The following MBTPS1 variants were observed in gnomAD, a reference collection of about 807,000 sequenced individuals.
The protein encoded by MBTPS1 is membrane bound transcription factor peptidase, site 1.
Under a neutral mutation model 127.8 loss-of-function variants are expected in MBTPS1, and 94 were observed. The observed-to-expected ratio is 0.74, with a 90% CI of 0.62 to 0.87. The LOEUF is 0.87. Among genes scored for constraint, MBTPS1 ranks in the 40% least tolerant of loss-of-function variants. The pLI, the probability that MBTPS1 is intolerant of heterozygous loss-of-function variation, is 0.00. For synonymous variants in MBTPS1, 632 were observed against 509.4 expected (o/e 1.24, Z -3.24); for missense variants, 1,636 against 1,353.2 (o/e 1.21, Z -3.28).
At chr16:84,113,320 TTCC>T (rs2086424671) in intron 1 of MBTPS1, among the ~76,000 whole-genome samples, 1 of 152,218 alleles carries the variant, frequency 6.6e-6, no homozygotes, top group South Asian at 2.1e-4. Flanking sequence ...CTGGTTATCT[TTCC>T]ATATAAAGGC....
Position 84,081,867 on chromosome 16 carries a change from T to C in MBTPS1, c.1328A>G (p.Lys443Arg). The change falls in exon 11 of 23, where the codon AAG becomes AGG. Residue 443 changes from lysine to arginine, a missense_variant. By Grantham distance (26) the Lys-to-Arg change is conservative. Coordinates refer to ENST00000343411, the MANE Select transcript of MBTPS1 (RefSeq NM_003791.4). The part of the protein sequence containing the change: ...KRELVNPASM[K>R]QALIASARRL... ...CCGGGCTGACGCGATCAGGGCCTGC[T>C]TCATACTGGCGGGATTCACCAGCTC... 2 of 1,503,482 alleles carry C rather than the reference T, an allele frequency of 1.3e-6. No individual in the cohort carries two copies. The highest frequency in any genetic ancestry group is 8.9e-7 in the Non-Finnish European group (1 of 1,125,252). The allele number at this position is 1,503,482 out of a possible 1,614,324, so 93.1% of individuals were successfully genotyped here.
chr16:84,075,789 A>G (rs533853725), intron 11 of MBTPS1: 2 of 152,244 alleles, frequency 1.3e-5, no homozygotes, highest in Non-Finnish European at 2.9e-5. Flanking sequence ...TATAATCAAC[A>G]CATATCACAG....
chr16:84,115,489 T>C (rs1279146871), intron 1 of MBTPS1, among the ~76,000 whole-genome samples: 5 of 152,186 alleles, frequency 3.3e-5, no homozygotes, highest in Non-Finnish European at 7.3e-5. Flanking sequence ...GTCAAAAGTG[T>C]TCTGCATAAA....
chr16:84,092,352 CT>C (rs2086121724), intron 6 of MBTPS1, among the ~76,000 whole-genome samples: 1 of 152,200 alleles, frequency 6.6e-6, no homozygotes, highest in South Asian at 2.1e-4. Context: ...AGCTTCATTA[CT>C]TTGTGGATCA....
At chr16:84,068,997 C>T (rs2085730901) in intron 14 of MBTPS1, among the ~76,000 whole-genome samples, 1 of 152,234 alleles carries the variant, frequency 6.6e-6, no homozygotes, top group African/African-American at 2.4e-5. Flanking sequence ...GCAGCACAGA[C>T]TCCAGGTCCT....
chr16:84,056,683 G>C (rs1008300237), intron 21 of MBTPS1: 5 of 152,630 alleles, frequency 3.3e-5, no homozygotes, highest in African/African-American at 7.2e-5. Flanking sequence ...AACAGTGGGA[G>C]AGAGTCTGAG....
At chr16:84,065,654 A>G (rs745888074) in intron 18 of MBTPS1, 36 bp downstream of exon 18, 2 of 1,389,700 alleles carry the variant, frequency 1.4e-6, no homozygotes, top group Non-Finnish European at 2.1e-6. Flanking sequence ...AGCGAGAGAA[A>G]GAAGAAGCAA....
rs748226747 is a variant in MBTPS1 at position 84,095,720 on chromosome 16, C to G, written c.507G>C (p.Leu169=). The part of the protein sequence containing the change: ...SRPLRRASLS[L]GSGFWHATGR... The stretch of plus-strand genomic sequence containing the variant: ...CCGTAGCATGCCAGAAGCCAGAGCC[C>G]AGGGAGAGGCTGGCTCTTCGCAGGG... Residue 169 remains leucine (L), a synonymous_variant, in exon 4 of 23, where the codon CTG becomes CTC. Coordinates refer to ENST00000343411, the MANE Select transcript of MBTPS1 (RefSeq NM_003791.4). 1 of 1,614,242 alleles carries G rather than the reference C, an allele frequency of 6.2e-7. No homozygotes were observed. Among genetic ancestry groups the G allele is most frequent in the South Asian group, 1.1e-5 (1 of 91,088 alleles).
chr16:84,099,675 G>A (rs955508969), intron 2 of MBTPS1, among the ~76,000 whole-genome samples: 3 of 151,584 alleles, frequency 2.0e-5, no homozygotes, highest in South Asian at 2.1e-4. Context: ...ATCCTGGGAG[G>A]CTAAGGCAGG....
chr16:84,096,211 A>C (rs147066677), intron 3 of MBTPS1, among the ~76,000 whole-genome samples: 7 of 152,172 alleles, frequency 4.6e-5, no homozygotes, highest in Admixed American at 4.6e-4. Flanking sequence ...TATTTTTACT[A>C]TAAGTTTCAC....
chr16:84,059,950 G>A (rs2085582770), intron 20 of MBTPS1: 1 of 152,320 alleles, frequency 6.6e-6, no homozygotes, highest in African/African-American at 2.4e-5. Context: ...TTGGGCTCAA[G>A]TATATTATTA....
chr16:84,074,514 A>T, intron 12 of MBTPS1, 83 bp downstream of exon 12: 1 of 1,424,078 alleles, frequency 7.0e-7, no homozygotes, highest in Non-Finnish European at 9.6e-7. Context: ...TTTTAACTTC[A>T]GCAGAAGTAA....
intron 4 of MBTPS1, 127 bp from the exon 5 acceptor site, chr16:84,093,948 A>C (rs2086145288): frequency 1.4e-6 from 1 of 702,030 alleles, no homozygotes; most frequent in African/African-American, 1.8e-5. Flanking sequence ...AAAGCTGCTC[A>C]GAGCAAATAA....
At chr16:84,073,676 TA>T (rs139568278) in intron 12 of MBTPS1, among the ~76,000 whole-genome samples, 7 of 147,992 alleles carry the variant, frequency 4.7e-5, no homozygotes, top group Admixed American at 6.7e-5. Flanking sequence ...AAAACAATAT[TA>T]AAAAAAAAAG....
chr16:84,094,819 T>A (rs1282287027), intron 4 of MBTPS1, among the ~76,000 whole-genome samples: 1 of 152,094 alleles, frequency 6.6e-6, no homozygotes, highest in Non-Finnish European at 1.5e-5. Context: ...CCACCGGGTA[T>A]TAAAAGTTGA....
In MBTPS1 at chr16:84,074,623, C is replaced by T. The variant is rs1479131447; in HGVS notation, c.1567G>A (p.Gly523Arg). The T allele has an allele frequency of 6.2e-7, 1 of 1,614,082 alleles. No homozygotes were observed. Among genetic ancestry groups the T allele is most frequent in the Non-Finnish European group, 8.5e-7 (1 of 1,179,980 alleles). Residue 523 changes from glycine (G) to arginine (R), a missense_variant, in exon 12 of 23, where the codon GGA (glycine) becomes AGA (arginine). Coordinates refer to ENST00000343411, the MANE Select transcript of MBTPS1 (RefSeq NM_003791.4). Reference sequence around the variant, plus strand: ...TTATCTACAATTCTTCCTGTGACTCCCATGCCGTTGAGGATGGTGACATTA... The same window carrying T: ...TTATCTACAATTCTTCCTGTGACTCTCATGCCGTTGAGGATGGTGACATTA... ...VVNVTILNGM[G>R]VTGRIVDKPD...
chr16:84,057,023 G>A (rs2085532045), intron 21 of MBTPS1: 1 of 152,194 alleles, frequency 6.6e-6, no homozygotes, highest in South Asian at 2.1e-4. Context: ...GAAACTGTCA[G>A]CCTGTCTCTT....
rs557506115 is a variant in MBTPS1, at chr16:84,063,042, CGCTG to C, written c.2572+259_2572+262del. ...CACCACAACGCGGGAGTCCCGCCTC[CGCTG>C]GCCTCAGGAAGGTGAAGATGGAGAA... On this transcript the variant is annotated intron_variant, in intron 19 of 22. Coordinates refer to ENST00000343411, the MANE Select transcript of MBTPS1 (RefSeq NM_003791.4). Among the ~76,000 whole-genome samples the C allele has an allele frequency of 7.7e-4, 117 of 152,372 alleles. 1 individual carries two copies. Among genetic ancestry groups the C allele is most frequent in the African/African-American group, 2.6e-3 (107 of 41,596 alleles).
chr16:84,055,602 G>T (rs6563996), intron 22 of MBTPS1, among the ~76,000 whole-genome samples: 51,420 of 152,050 alleles, frequency 0.34, 8,857 homozygotes, highest in Admixed American at 0.43. Flanking sequence ...GGGCCTTCTG[G>T]GCTGAGGGCT....
Sources: gnomAD v4.1 joint callset for allele counts (sites outside exome capture counted in the v4.1 genomes callset) on GRCh38, gnomAD v4.1.1 for gene constraint, MANE v1.5 for transcripts, NCBI Gene and HGNC (gene_info 2026-07-23, HGNC 2026-07-21) for gene names.